TMBIM6: variants seen among roughly 807,000 people sequenced by gnomAD.
The protein encoded by TMBIM6 is transmembrane BAX inhibitor motif containing 6.
In TMBIM6, 13 loss-of-function variants were observed where a neutral mutation model predicts 31.4. That is an observed-to-expected ratio of 0.41 (90% confidence interval 0.27 to 0.66). The LOEUF is 0.66. TMBIM6 is among the 30% of genes least tolerant of loss of function. TMBIM6 has a pLI of 0.28. For missense variants in TMBIM6, 275 were observed against 289.5 expected, an observed-to-expected ratio of 0.95 and a Z score of 0.36; for synonymous variants, 85 against 101.7, an observed-to-expected ratio of 0.84 and a Z score of 0.99.
chr12:49,741,977 G>T (rs1945303403), intron 1 of TMBIM6: 10 of 1,128,228 alleles, frequency 8.9e-6, no homozygotes, highest in African/African-American at 1.6e-5. Context: ...CCTTGGCCTA[G>T]CTTCGATCGT....
intron 8 of TMBIM6, among the ~76,000 whole-genome samples, chr12:49,759,667 C>T (rs1473150133): frequency 6.6e-6 from 1 of 151,904 alleles, no homozygotes; most frequent in Non-Finnish European, 1.5e-5. Flanking sequence ...ATTAGCTGGG[C>T]ATGGTGGCAC....
At chr12:49,749,308 T>C (rs1945451266) in intron 1 of TMBIM6, among the ~76,000 whole-genome samples, 2 of 152,248 alleles carry the variant, frequency 1.3e-5, no homozygotes, top group South Asian at 4.1e-4. Flanking sequence ...AATTGTCATC[T>C]GTACATTGTG....
At chr12:49,753,769 C>T (rs774390716) in intron 3 of TMBIM6, among the ~76,000 whole-genome samples, 1 of 152,176 alleles carries the variant, frequency 6.6e-6, no homozygotes, top group Non-Finnish European at 1.5e-5. Flanking sequence ...ACTTTAGACA[C>T]TCAAAGGATA....
chr12:49,754,585 A>AC (rs985350038), intron 3 of TMBIM6, among the ~76,000 whole-genome samples: 5 of 152,188 alleles, frequency 3.3e-5, no homozygotes, highest in Non-Finnish European at 7.3e-5. Flanking sequence ...TCCCTCAGGA[A>AC]CAAGGGTTTA....
intron 1 of TMBIM6, 77 bp from the exon 2 acceptor site, chr12:49,752,387 T>C: frequency 5.4e-6 from 6 of 1,114,718 alleles, no homozygotes; most frequent in Non-Finnish European, 7.6e-6. Flanking sequence ...AACTTACATG[T>C]TGCTTTTTTT....
chr12:49,754,278 T>A (rs546288233), intron 3 of TMBIM6, among the ~76,000 whole-genome samples: 1 of 152,304 alleles, frequency 6.6e-6, no homozygotes, highest in Non-Finnish European at 1.5e-5. Context: ...CATGCCACCA[T>A]GCTTGGCTTA....
Position 49,759,280 on chromosome 12 carries a change from CATT to C in TMBIM6, c.577_579del (p.Ile193del). Reference sequence around the variant, plus strand: ...GCTTCGTCCTTTTTGATACTCAACTCATTATTGAAAAGGCCGAACATGGAGATC... The same window carrying C: ...GCTTCGTCCTTTTTGATACTCAACTCATTGAAAAGGCCGAACATGGAGATC... On this transcript the variant is annotated inframe_deletion, in exon 8 of 10. Coordinates refer to ENST00000267115, the MANE Select transcript of TMBIM6 (RefSeq NM_003217.3). 1.9e-6 allele frequency: 3 copies of C among 1,614,084 alleles called. No individual in the cohort carries two copies. The highest frequency in any genetic ancestry group is 8.5e-7 in the Non-Finnish European group (1 of 1,180,006).
intron 1 of TMBIM6, among the ~76,000 whole-genome samples, chr12:49,748,368 C>T: frequency 6.6e-6 from 1 of 152,206 alleles, no homozygotes; most frequent in East Asian, 1.9e-4. Context: ...CTACCAGCCC[C>T]TGCTGTCCCT....
At chr12:49,752,617 A>G (rs1434614545) in intron 2 of TMBIM6, 68 bp downstream of exon 2, 10 of 1,341,450 alleles carry the variant, frequency 7.5e-6, no homozygotes, top group Middle Eastern at 1.8e-4. Context: ...CCTTTTCTGC[A>G]TTTATAACTT....
At chr12:49,761,926 A>G (rs1243368988) in intron 9 of TMBIM6, 147 bp downstream of exon 9, 8 of 698,780 alleles carry the variant, frequency 1.1e-5, no homozygotes, top group Non-Finnish European at 1.8e-5. Context: ...GTAAGCCAGA[A>G]GTCTTCAGTT....
Position 49,755,675 on chromosome 12 carries a change from T to G in TMBIM6, c.206T>G (p.Ile69Ser), listed in dbSNP as rs1945576217. The change falls in exon 4 of 10, where the codon ATT becomes AGT. Residue 69 changes from isoleucine to serine, a missense_variant. Coordinates refer to ENST00000267115, the MANE Select transcript of TMBIM6 (RefSeq NM_003217.3). Reference sequence around the variant, plus strand: ...GCCTTGGGCTCCCTGATATTGATGATTTGGCTGATGGCAACACCTCATAGC... The same window carrying G: ...GCCTTGGGCTCCCTGATATTGATGAGTTGGCTGATGGCAACACCTCATAGC... ...LSALGSLILMIWLMATPHSHE... is the reference protein window; with the variant it reads ...LSALGSLILMSWLMATPHSHE... 6.2e-7 allele frequency: 1 copy of G among 1,614,086 alleles called. No individual in the cohort carries two copies. Among genetic ancestry groups the G allele is most frequent in the South Asian group, 1.1e-5 (1 of 91,084 alleles).
At position 49,758,288 on chromosome 12, in the gene TMBIM6, G is replaced by T. The variant is rs191728675; in HGVS notation, c.335+13G>T. On this transcript the variant is annotated intron_variant, in intron 5 of 9. Transcript: ENST00000267115. ...CTGTCAACCCCAGGTAACTCTTTTGGTAGTGTCTTATGTGCTTTTATCTTT... is the reference window on the plus strand; with the variant it reads ...CTGTCAACCCCAGGTAACTCTTTTGTTAGTGTCTTATGTGCTTTTATCTTT... 1.2e-6 allele frequency: 2 copies of T among 1,614,184 alleles called. No homozygotes were observed. Among genetic ancestry groups the T allele is most frequent in the Non-Finnish European group, 1.7e-6 (2 of 1,179,998 alleles).
chr12:49,742,572 CTG>C (rs1054757427), intron 1 of TMBIM6: 42 of 277,738 alleles, frequency 1.5e-4, no homozygotes, highest in African/African-American at 8.8e-4. Context: ...GAAGGGCTGA[CTG>C]TGCTTGAAAC....
chr12:49,764,738 A>C lies in TMBIM6; in HGVS notation c.*1842A>C, dbSNP rs77128574. ...AAAAAAAAAAGAAAGAAAAAAAAAA[A>C]AACACCTACTTTTAAAGAAAATACC... On this transcript the variant is annotated 3_prime_UTR_variant, in exon 10 of 10. Transcript: ENST00000267115. 6.6e-6 allele frequency: 1 copy of C among 152,190 alleles called. No individual in the cohort carries two copies. Among genetic ancestry groups the C allele is most frequent in the Admixed American group, 6.6e-5 (1 of 15,246 alleles). 9.4% of individuals were successfully genotyped at this position (152,190 alleles called of 1,614,324 possible).
Position 49,761,717 on chromosome 12 carries a change from C to G in TMBIM6, c.628C>G (p.Leu210Val), listed in dbSNP as rs1254921103. 1.2e-6 allele frequency: 2 copies of G among 1,614,090 alleles called. No homozygotes were observed. Among genetic ancestry groups the G allele is most frequent in the African/African-American group, 1.3e-5 (1 of 74,942 alleles). The change falls in exon 9 of 10, where the codon CTC becomes GTC. Residue 210 changes from leucine (L) to valine (V), a missense_variant. Transcript: ENST00000267115. ...DQDYIWHCID[L>V]FLDFITVFRK... Reference sequence around the variant, plus strand: ...CTTGCCTTTCAGGCACTGCATTGATCTCTTCTTAGATTTCATTACTGTCTT... The same window carrying G: ...CTTGCCTTTCAGGCACTGCATTGATGTCTTCTTAGATTTCATTACTGTCTT...
chr12:49,755,225 G>A (rs1255233765), intron 3 of TMBIM6, among the ~76,000 whole-genome samples: 4 of 152,120 alleles, frequency 2.6e-5, no homozygotes, highest in African/African-American at 7.2e-5. Flanking sequence ...CCAAAGTGCT[G>A]GGATTACAGG....
intron 1 of TMBIM6, chr12:49,741,896 G>T (rs1945301363): frequency 5.1e-6 from 3 of 592,084 alleles, no homozygotes; most frequent in Non-Finnish European, 8.5e-6. Context: ...GAGCGCTGGC[G>T]AAGGCCCCTT....
chr12:49,763,733 A>G lies in TMBIM6; in HGVS notation c.*837A>G, dbSNP rs932562064. On this transcript the variant is annotated 3_prime_UTR_variant, in exon 10 of 10. Transcript: ENST00000267115. Reference sequence around the variant, plus strand: ...CGGCCTCTACTAGGTGGCTGTGATTAAATGTCCCAAGCAAGGATAGGGAAG... The same window carrying G: ...CGGCCTCTACTAGGTGGCTGTGATTGAATGTCCCAAGCAAGGATAGGGAAG... The G allele has an allele frequency of 5.3e-5, 8 of 152,170 alleles. No homozygotes were observed. The highest frequency in any genetic ancestry group is 1.7e-4 in the African/African-American group (7 of 41,428). 9.4% of individuals were successfully genotyped at this position (152,170 alleles called of 1,614,324 possible). A position where few individuals can be genotyped will look rare whatever the true frequency, so the allele number is the denominator to read the frequency against.
intron 7 of TMBIM6, 83 bp downstream of exon 7, chr12:49,758,845 CT>C: frequency 8.7e-7 from 1 of 1,152,348 alleles, no homozygotes; most frequent in Non-Finnish European, 1.2e-6. Flanking sequence ...GCACTTCTTT[CT>C]GTACTACTTT....
Sources: gnomAD v4.1 joint callset for allele counts (sites outside exome capture counted in the v4.1 genomes callset) on GRCh38, gnomAD v4.1.1 for gene constraint, MANE v1.5 for transcripts, NCBI Gene and HGNC (gene_info 2026-07-23, HGNC 2026-07-21) for gene names.